The following CNBD1 variants were observed in gnomAD, a reference collection of about 807,000 sequenced individuals.
CNBD1 encodes cyclic nucleotide binding domain containing 1, also known as cyclic nucleotide-binding domain-containing protein 1.
In CNBD1, 71 loss-of-function variants were observed where a neutral mutation model predicts 54.4. The observed-to-expected ratio is 1.30, with a 90% CI of 1.08 to 1.59. The LOEUF is 1.59. Among genes scored for constraint, CNBD1 ranks in the 40% most tolerant of loss-of-function variants. The probability of loss-of-function intolerance (pLI) is 0.00; values close to 1 mark genes in which losing one functional copy is unlikely to be tolerated. For synonymous variants in CNBD1, 182 were observed against 170.7 expected, an observed-to-expected ratio of 1.07 and a Z score of -0.51; for missense variants, 659 against 518.0, an observed-to-expected ratio of 1.27 and a Z score of -2.64.
intron 4 of CNBD1, among the ~76,000 whole-genome samples, chr8:86,995,334 A>G (rs1370006617): frequency 2.0e-5 from 3 of 152,202 alleles, no homozygotes; most frequent in Non-Finnish European, 4.4e-5. Flanking sequence ...TGTTGCAACT[A>G]CTCGATTCTG....
intron 4 of CNBD1, among the ~76,000 whole-genome samples, chr8:87,130,908 T>A (rs1812105340): frequency 6.6e-6 from 1 of 152,154 alleles, no homozygotes; most frequent in African/African-American, 2.4e-5. Context: ...GTTAGATATG[T>A]GCATATCTAT....
intron 2 of CNBD1, among the ~76,000 whole-genome samples, chr8:87,389,721 T>G (rs1197518794): frequency 6.6e-6 from 1 of 152,244 alleles, no homozygotes; most frequent in East Asian, 1.9e-4. Context: ...AAGATACCAA[T>G]GACTTTCTTC....
chr8:87,274,849 C>T (rs1808441979), intron 6 of CNBD1, among the ~76,000 whole-genome samples: 1 of 134,606 alleles, frequency 7.4e-6, no homozygotes, highest in Non-Finnish European at 1.6e-5. Context: ...TTGCCCATGC[C>T]TATGTCCTGA....
chr8:87,321,958 C>T (rs1272858765), intron 8 of CNBD1, among the ~76,000 whole-genome samples: 4 of 146,890 alleles, frequency 2.7e-5, no homozygotes, highest in South Asian at 2.2e-4. Flanking sequence ...CCCCGCTCCC[C>T]CCACCCCACC....
intron 6 of CNBD1, among the ~76,000 whole-genome samples, chr8:87,270,877 T>C (rs1162406402): frequency 6.6e-6 from 1 of 151,838 alleles, no homozygotes; most frequent in Non-Finnish European, 1.5e-5. Flanking sequence ...TTTGTTAGAA[T>C]ACAGCAGTGA....
intron 2 of CNBD1, among the ~76,000 whole-genome samples, chr8:86,888,380 A>C (rs1483018117): frequency 2.6e-5 from 4 of 152,106 alleles, no homozygotes; most frequent in African/African-American, 9.7e-5. Context: ...TCCCCTGTGC[A>C]TTGCTGCCTC....
At chr8:87,053,206 C>T (rs1251394168) in intron 4 of CNBD1, among the ~76,000 whole-genome samples, 1 of 152,178 alleles carries the variant, frequency 6.6e-6, no homozygotes, top group Non-Finnish European at 1.5e-5. Flanking sequence ...CAAAGAAAGC[C>T]AGTACATAGG....
intron 2 of CNBD1, among the ~76,000 whole-genome samples, chr8:87,399,785 C>T (rs2130976305): frequency 6.6e-6 from 1 of 152,040 alleles, no homozygotes; most frequent in East Asian, 1.9e-4. Context: ...GGTGCTTGGA[C>T]AGTGATTATT....
intron 8 of CNBD1, among the ~76,000 whole-genome samples, chr8:87,291,017 GAC>G (rs1042760271): frequency 2.0e-5 from 3 of 151,976 alleles, no homozygotes; most frequent in African/African-American, 7.2e-5. Context: ...CTCTGTTTCT[GAC>G]TCTCTCATAT....
At chr8:87,411,146 A>G (rs1047394334) in intron 2 of CNBD1, among the ~76,000 whole-genome samples, 1 of 151,762 alleles carries the variant, frequency 6.6e-6, no homozygotes, top group South Asian at 2.1e-4. Flanking sequence ...TGCATTTTTC[A>G]TATTTCATTT....
At chr8:87,374,616 C>T (rs543870295) in intron 10 of CNBD1, among the ~76,000 whole-genome samples, 1 of 151,888 alleles carries the variant, frequency 6.6e-6, no homozygotes, top group Admixed American at 6.6e-5. Flanking sequence ...TTCCCAGCCT[C>T]TCTAGCAGTT....
chr8:87,307,913 G>A (rs1382899953), intron 8 of CNBD1, among the ~76,000 whole-genome samples: 2 of 151,876 alleles, frequency 1.3e-5, no homozygotes, highest in Non-Finnish European at 1.5e-5. Context: ...GGAAGTTCAG[G>A]CATTTATCTT....
At chr8:87,317,226 T>C (rs906481463) in intron 8 of CNBD1, among the ~76,000 whole-genome samples, 2 of 151,130 alleles carry the variant, frequency 1.3e-5, no homozygotes, top group Non-Finnish European at 1.5e-5. Flanking sequence ...TAAATTCTTC[T>C]GTTTGTTTGG....
intron 4 of CNBD1, among the ~76,000 whole-genome samples, chr8:87,089,641 A>G (rs1255864777): frequency 6.6e-6 from 1 of 152,112 alleles, no homozygotes; most frequent in Non-Finnish European, 1.5e-5. Context: ...CTTTCAATAA[A>G]GAAATTTTCT....
At chr8:87,372,609 A>T (rs1372913813) in intron 10 of CNBD1, among the ~76,000 whole-genome samples, 1 of 151,864 alleles carries the variant, frequency 6.6e-6, no homozygotes, top group Non-Finnish European at 1.5e-5. Context: ...CATTGATGAC[A>T]TTGAAAATCA....
chr8:87,389,886 G>C (rs1014858382), intron 2 of CNBD1, among the ~76,000 whole-genome samples: 3 of 152,140 alleles, frequency 2.0e-5, no homozygotes, highest in African/African-American at 7.2e-5. Context: ...CATGGTACTG[G>C]TACCTAAACA....
chr8:86,877,971 G>C (rs748341034), intron 1 of CNBD1, among the ~76,000 whole-genome samples: 2 of 151,510 alleles, frequency 1.3e-5, no homozygotes, highest in African/African-American at 2.4e-5. Context: ...TTTTATTTCT[G>C]TCATTATTTT....
chr8:87,074,216 C>T (rs2130655886), intron 4 of CNBD1, among the ~76,000 whole-genome samples: 1 of 152,066 alleles, frequency 6.6e-6, no homozygotes, highest in Admixed American at 6.5e-5. Context: ...CCAAAGCTGG[C>T]AGGCTGGAAT....
At chr8:87,224,653 G>A (rs1451914960) in intron 5 of CNBD1, among the ~76,000 whole-genome samples, 2 of 151,748 alleles carry the variant, frequency 1.3e-5, no homozygotes, top group Non-Finnish European at 2.9e-5. Context: ...TAGCCTTGTA[G>A]TATAGTTTGA....
Sources: gnomAD v4.1 joint callset for allele counts (sites outside exome capture counted in the v4.1 genomes callset) on GRCh38, gnomAD v4.1.1 for gene constraint, MANE v1.5 for transcripts, NCBI Gene and HGNC (gene_info 2026-07-23, HGNC 2026-07-21) for gene names.